The following ABCC4 variants were observed in gnomAD, a reference collection of about 807,000 sequenced individuals.
ABCC4 encodes the protein ATP-binding cassette sub-family C member 4.
ABCC4 carries 102 observed loss-of-function variants against 168.5 expected under a neutral mutation model. The observed-to-expected ratio is 0.61, with a 90% confidence interval of 0.52 to 0.71. The LOEUF (loss-of-function observed/expected upper bound fraction) is 0.71, where lower values mean the gene tolerates loss of function less well. ABCC4 is among the 30% of genes least tolerant of loss of function. ABCC4 has a pLI of 0.00. For missense variants in ABCC4, 1,402 were observed against 1,605.8 expected (o/e 0.87, Z 2.17); for synonymous variants, 617 against 590.7 (o/e 1.04, Z -0.65).
intron 10 of ABCC4, among the ~76,000 whole-genome samples, chr13:95,187,853 C>T (rs2038118675): frequency 6.6e-6 from 1 of 152,118 alleles, no homozygotes; most frequent in Non-Finnish European, 1.5e-5. Flanking sequence ...ACAGACATGA[C>T]GTGTCTGTGC....
At chr13:95,300,874 G>A (rs1303812898) in intron 1 of ABCC4, among the ~76,000 whole-genome samples, 2 of 152,176 alleles carry the variant, frequency 1.3e-5, no homozygotes, top group Non-Finnish European at 2.9e-5. Flanking sequence ...CGTGTAAGGG[G>A]TGCAGTCGCT....
At chr13:95,220,934 T>C (rs926241803) in intron 4 of ABCC4, among the ~76,000 whole-genome samples, 10 of 152,140 alleles carry the variant, frequency 6.6e-5, no homozygotes, top group Non-Finnish European at 1.3e-4. Context: ...TCTCAGAAAT[T>C]CTTTCCTCTT....
intron 1 of ABCC4, among the ~76,000 whole-genome samples, chr13:95,248,531 T>G (rs1019170689): frequency 1.3e-5 from 2 of 151,880 alleles, no homozygotes; most frequent in African/African-American, 2.4e-5. Context: ...ATCAAAATGG[T>G]CATCCATTAG....
rs116086177 is a variant in ABCC4 at position 95,161,432 on chromosome 13, T to C, written c.2309-97A>G. 3.1e-6 allele frequency: 3 copies of C among 960,670 alleles called. No individual in the cohort carries two copies. In the African/African-American group the frequency reaches 5.0e-5, roughly 16 times the overall value. 59.5% of individuals were successfully genotyped at this position (960,670 alleles called of 1,614,324 possible). On this transcript the variant is annotated intron_variant, in intron 18 of 30. Coordinates refer to ENST00000645237, the MANE Select transcript of ABCC4 (RefSeq NM_005845.5). ...CCAGGTAGTTTATAAAGATGTTACTTAATTTATTCCATAAAGCATCTGGAT... is the reference window on the plus strand; with the variant it reads ...CCAGGTAGTTTATAAAGATGTTACTCAATTTATTCCATAAAGCATCTGGAT...
chr13:95,294,477 CT>C (rs756565153), intron 1 of ABCC4, among the ~76,000 whole-genome samples: 1 of 152,202 alleles, frequency 6.6e-6, no homozygotes, highest in Non-Finnish European at 1.5e-5. Flanking sequence ...CTTTCACCAT[CT>C]TGCGGCTCGG....
intron 27 of ABCC4, among the ~76,000 whole-genome samples, chr13:95,049,856 G>C (rs1412746569): frequency 1.3e-5 from 2 of 152,088 alleles, no homozygotes; most frequent in Admixed American, 6.6e-5. Context: ...CTTTTAAGTG[G>C]TTAAAGAGGA....
chr13:95,232,149 GTGGTGGTGA>G lies in ABCC4; in HGVS notation c.531+2452_531+2460del, dbSNP rs764448118. Among the ~76,000 whole-genome samples the G allele has an allele frequency of 6.6e-4, 100 of 151,882 alleles. 1 individual carries two copies. Among genetic ancestry groups the G allele is most frequent in the Non-Finnish European group, 1.2e-3 (82 of 67,974 alleles). ...GATGATGGTGGTGGTGGTGGTGGTGGTGGTGGTGATGATGATGAAGACCCCTTGACTAGT... is the reference window on the plus strand; with the variant it reads ...GATGATGGTGGTGGTGGTGGTGGTGGTGATGATGAAGACCCCTTGACTAGT... On this transcript the variant is annotated intron_variant, in intron 4 of 30. Transcript: ENST00000645237.
chr13:95,038,648 C>A (rs1433332090), intron 29 of ABCC4, among the ~76,000 whole-genome samples: 1 of 152,154 alleles, frequency 6.6e-6, no homozygotes, highest in Non-Finnish European at 1.5e-5. Flanking sequence ...TCCTCAAGGG[C>A]AGGGTTATGT....
intron 20 of ABCC4, among the ~76,000 whole-genome samples, chr13:95,101,675 TTATGAGA>T (rs1328041707): frequency 6.6e-6 from 1 of 152,174 alleles, no homozygotes; most frequent in African/African-American, 2.4e-5. Flanking sequence ...AATTACGTTA[TTATGAGA>T]TATTTAGTGC....
At chr13:95,159,710 C>T (rs867116006) in intron 19 of ABCC4, among the ~76,000 whole-genome samples, 7 of 152,208 alleles carry the variant, frequency 4.6e-5, no homozygotes, top group Admixed American at 1.3e-4. Context: ...CTAATAACAG[C>T]TGAAATCAGA....
At position 95,154,259 on chromosome 13, in the gene ABCC4, C is replaced by G. The variant is rs1056512838; in HGVS notation, c.2455+6930G>C. On this transcript the variant is annotated intron_variant, in intron 19 of 30. Coordinates refer to ENST00000645237, the MANE Select transcript of ABCC4 (RefSeq NM_005845.5). ...AACTTCTTCCTTTGAACACAAAAAGCCTCTTAAACTAACTAATGTACATAT... is the reference window on the plus strand; with the variant it reads ...AACTTCTTCCTTTGAACACAAAAAGGCTCTTAAACTAACTAATGTACATAT... Among the ~76,000 whole-genome samples, 6 of 152,102 alleles carry G rather than the reference C, an allele frequency of 3.9e-5. No homozygotes were observed. In the South Asian group the frequency reaches 6.2e-4, roughly 16 times the overall value.
chr13:95,161,456 A>G (rs1206733583), intron 18 of ABCC4, 121 bp from the exon 19 acceptor site: 1 of 708,978 alleles, frequency 1.4e-6, no homozygotes, highest in African/African-American at 1.8e-5. Context: ...AAGCATCTGG[A>G]TTCTACATAA....
intron 30 of ABCC4, among the ~76,000 whole-genome samples, chr13:95,023,059 A>G (rs1016538005): frequency 7.9e-5 from 12 of 152,292 alleles, no homozygotes; most frequent in African/African-American, 2.9e-4. Context: ...AGCTAGCCAT[A>G]TTTTGTGTGG....
chr13:95,282,265 T>C (rs1184397763), intron 1 of ABCC4, among the ~76,000 whole-genome samples: 2 of 151,618 alleles, frequency 1.3e-5, no homozygotes, highest in African/African-American at 4.8e-5. Context: ...AAGGAGCAGG[T>C]CCAGACTTAG....
intron 1 of ABCC4, among the ~76,000 whole-genome samples, 190 bp from the exon 2 acceptor site, chr13:95,247,943 C>T (rs576412084): frequency 3.2e-4 from 49 of 152,158 alleles, no homozygotes; most frequent in African/African-American, 1.2e-3. Context: ...CACACACAGT[C>T]CCTAGCTCTA....
At chr13:95,244,664 A>AGAAAGAAG (rs2040058330) in intron 3 of ABCC4, among the ~76,000 whole-genome samples, 1 of 19,964 alleles carries the variant, frequency 5.0e-5, no homozygotes, top group South Asian at 1.3e-3. Flanking sequence ...AAAGAAAGAA[A>AGAAAGAAG]GAAAGAAATC....
rs1377894443 is a variant in ABCC4 at position 95,127,760 on chromosome 13, A to G, written c.2456-11759T>C. ...TAGTGACTCCCAAACCAGACTGTGCAATCATTGACTTTCTTCTGCCTTACT... is the reference window on the plus strand; with the variant it reads ...TAGTGACTCCCAAACCAGACTGTGCGATCATTGACTTTCTTCTGCCTTACT... On this transcript the variant is annotated intron_variant, in intron 19 of 30. Transcript: ENST00000645237. Among the ~76,000 whole-genome samples the G allele has an allele frequency of 1.3e-5, 2 of 152,078 alleles. 1 individual carries two copies. Among genetic ancestry groups the G allele is most frequent in the Non-Finnish European group, 2.9e-5 (2 of 68,016 alleles).
chr13:95,144,671 G>A (rs555434785), intron 19 of ABCC4, among the ~76,000 whole-genome samples: 3 of 151,924 alleles, frequency 2.0e-5, no homozygotes, highest in African/African-American at 7.2e-5. Flanking sequence ...TAGGAACACA[G>A]GTAACCAAAG....
At chr13:95,272,380 A>G (rs1475300674) in intron 1 of ABCC4, among the ~76,000 whole-genome samples, 2 of 150,542 alleles carry the variant, frequency 1.3e-5, no homozygotes, top group Non-Finnish European at 2.9e-5. Context: ...ATGTGTTTAC[A>G]ACATTCTCTA....
Sources: gnomAD v4.1 joint callset for allele counts (sites outside exome capture counted in the v4.1 genomes callset) on GRCh38, gnomAD v4.1.1 for gene constraint, MANE v1.5 for transcripts, NCBI Gene and HGNC (gene_info 2026-07-23, HGNC 2026-07-21) for gene names.